The following ANK2 variants were observed in gnomAD, a reference collection of about 807,000 sequenced individuals.
The protein encoded by ANK2 is ankyrin 2.
A neutral mutation model predicts 360.5 loss-of-function variants in ANK2; 83 were observed. The observed-to-expected ratio is 0.23, with a 90% CI of 0.19 to 0.28. The LOEUF is 0.28. ANK2 is among the 10% of genes least tolerant of loss of function. The pLI is 1.00. For missense variants in ANK2, 4,201 were observed against 4,795.7 expected (o/e 0.88, Z 3.66); for synonymous variants, 1,740 against 1,759.5 (o/e 0.99, Z 0.28).
At chr4:112,861,525 TA>T (rs932732456) in intron 1 of ANK2, among the ~76,000 whole-genome samples, 3 of 152,148 alleles carry the variant, frequency 2.0e-5, no homozygotes, top group African/African-American at 7.2e-5. Context: ...GACTTTGGAG[TA>T]AATAACATGT....
chr4:113,098,894 G>T (rs564204718), intron 1 of ANK2, among the ~76,000 whole-genome samples: 4 of 151,730 alleles, frequency 2.6e-5, no homozygotes, highest in African/African-American at 4.8e-5. Context: ...GCCTAAAGAA[G>T]AAAAATCGTA....
chr4:112,959,951 A>C (rs568683412), intron 2 of ANK2, among the ~76,000 whole-genome samples: 1 of 152,198 alleles, frequency 6.6e-6, no homozygotes, highest in Non-Finnish European at 1.5e-5. Context: ...GCCTAATTGA[A>C]TGTTAAGCAG....
At chr4:113,325,479 A>G (rs1398754382) in intron 26 of ANK2, among the ~76,000 whole-genome samples, 1 of 152,202 alleles carries the variant, frequency 6.6e-6, no homozygotes, top group East Asian at 1.9e-4. Context: ...GACTTACCTG[A>G]GGTTACAACA....
intron 2 of ANK2, among the ~76,000 whole-genome samples, chr4:112,984,212 A>G (rs551621588): frequency 1.2e-4 from 18 of 152,316 alleles, no homozygotes; most frequent in Admixed American, 4.6e-4. Flanking sequence ...TTCTTATTGT[A>G]TGGGGAGAGG....
In ANK2 at chr4:113,343,079, T is replaced by C. The variant is rs2094467835; in HGVS notation, c.4185T>C (p.Ser1395=). 6.2e-7 allele frequency: 1 copy of C among 1,613,862 alleles called. No individual in the cohort carries two copies. Among genetic ancestry groups the C allele is most frequent in the African/African-American group, 1.3e-5 (1 of 75,040 alleles). The change falls in exon 34 of 46, where the codon AGT becomes AGC. Residue 1395 remains serine (S), a synonymous_variant. Transcript: ENST00000357077. The part of the protein sequence containing the change: ...CFGNLVPLTK[S]GQHHIFSFFA... Reference sequence around the variant, plus strand: ...GCAACTTGGTACCATTAACTAAAAGTGGCCAGCATCATATATTCAGTTTTT... The same window carrying C: ...GCAACTTGGTACCATTAACTAAAAGCGGCCAGCATCATATATTCAGTTTTT...
the ANK2 span, among the ~76,000 whole-genome samples, chr4:112,802,774 A>G: frequency 6.6e-6 from 1 of 152,190 alleles, no homozygotes; most frequent in African/African-American, 2.4e-5. Flanking sequence ...TAAAACAAAA[A>G]CAAAAACAAA....
Position 113,250,759 on chromosome 4 carries a change from C to CCG in ANK2, c.990+898_990+899insGC, listed in dbSNP as rs1491245836. The stretch of plus-strand genomic sequence containing the variant: ...TCCATTCCACCTCATACCACCGCCC[C>CCG]CCCCCCCGACAGAGTTGGTATCAAC... On this transcript the variant is annotated intron_variant, in intron 10 of 45. Coordinates refer to ENST00000357077, the MANE Select transcript of ANK2 (RefSeq NM_001148.6). 2.2e-4 allele frequency among the ~76,000 whole-genome samples: 29 copies of CCG among 134,712 alleles called. 8 individuals are homozygous for CCG. Among genetic ancestry groups the CCG allele is most frequent in the South Asian group, 1.5e-3 (5 of 3,358 alleles). The allele number at this position is 134,712 out of a possible 152,430, so 88.4% of individuals were successfully genotyped here.
chr4:113,237,101 G>T lies in ANK2; in HGVS notation c.598G>T (p.Ala200Ser), dbSNP rs763603177. ...KVRLPALHIA[A>S]RKDDTKSAAL... ...GAGGCTGCCAGCTCTGCATATTGCC[G>T]CTAGGAAAGACGACACCAAATCTGC... Residue 200 changes from alanine to serine, a missense_variant, in exon 6 of 46, where the codon GCT (alanine) becomes TCT (serine). Physicochemically the swap from Ala to Ser is moderately conservative, Grantham distance 99. Transcript: ENST00000357077. 3.7e-6 allele frequency: 6 copies of T among 1,614,122 alleles called. No individual in the cohort carries two copies. Among genetic ancestry groups the T allele is most frequent in the Non-Finnish European group, 3.4e-6 (4 of 1,180,012 alleles).
At chr4:113,368,706 G>A (rs2154063762) in intron 42 of ANK2, among the ~76,000 whole-genome samples, 1 of 152,290 alleles carries the variant, frequency 6.6e-6, no homozygotes, top group African/African-American at 2.4e-5. Flanking sequence ...TGTGGTCATT[G>A]ACATGAGAAG....
intron 2 of ANK2, among the ~76,000 whole-genome samples, chr4:112,957,209 G>T (rs1047576902): frequency 2.0e-5 from 3 of 151,210 alleles, no homozygotes; most frequent in African/African-American, 7.3e-5. Context: ...AGGGAGTGGT[G>T]ATGACTCTTA....
the ANK2 span, among the ~76,000 whole-genome samples, chr4:112,715,209 T>C: frequency 0.13 from 18,282 of 140,524 alleles, 1,305 homozygotes; most frequent in East Asian, 0.23. Flanking sequence ...AGCGCGGTGA[T>C]TGGGTTCCAA....
intron 1 of ANK2, among the ~76,000 whole-genome samples, chr4:113,112,427 G>A (rs2094391070): frequency 6.6e-6 from 1 of 152,174 alleles, no homozygotes; most frequent in Admixed American, 6.5e-5. Context: ...GATGCAGGGG[G>A]AGACAGAATG....
intron 2 of ANK2, among the ~76,000 whole-genome samples, chr4:113,022,279 T>C (rs867067727): frequency 2.6e-5 from 4 of 152,230 alleles, no homozygotes; most frequent in Non-Finnish European, 5.9e-5. Flanking sequence ...GATTGGAAAC[T>C]AAGAGGAAAA....
chr4:113,149,932 C>A (rs947492914), intron 1 of ANK2, among the ~76,000 whole-genome samples: 6 of 137,190 alleles, frequency 4.4e-5, no homozygotes, highest in African/African-American at 1.6e-4. Context: ...ACATGACTTT[C>A]ATTCTCTAGG....
chr4:112,791,464 C>A, the ANK2 span, among the ~76,000 whole-genome samples: 1 of 53,728 alleles, frequency 1.9e-5, no homozygotes, highest in African/African-American at 1.3e-4. Context: ...AAGCCTCTTA[C>A]TTCTTCTTCT....
chr4:113,277,876 A>G lies in ANK2; in HGVS notation c.1723A>G (p.Ser575Gly). The G allele has an allele frequency of 1.2e-6, 2 of 1,614,094 alleles. No individual in the cohort carries two copies. Among genetic ancestry groups the G allele is most frequent in the Non-Finnish European group, 1.7e-6 (2 of 1,179,956 alleles). Residue 575 changes from serine (S) to glycine (G), a missense_variant, in exon 16 of 46, where the codon AGC (serine) becomes GGC (glycine). Physicochemically the swap from Ser to Gly is moderately conservative, Grantham distance 56. Transcript: ENST00000357077. The part of the protein sequence containing the change: ...TPLHVAAKYG[S>G]LDVAKLLLQR... ...CCTGCATGTAGCAGCCAAGTATGGA[A>G]GCCTGGATGTGGCAAAACTTCTCTT...
At chr4:112,816,494 AT>A (rs1269717446), upstream of ANK2, among the ~76,000 whole-genome samples, 5 of 152,042 alleles carry the variant, frequency 3.3e-5, no homozygotes, top group African/African-American at 1.2e-4. Flanking sequence ...AGATTGAATT[AT>A]TTCCATAAAA....
intron 38 of ANK2, among the ~76,000 whole-genome samples, chr4:113,360,502 G>A (rs1312940728): frequency 6.6e-6 from 1 of 152,068 alleles, no homozygotes; most frequent in African/African-American, 2.4e-5. Flanking sequence ...TCATGAACAA[G>A]ATGGTGGTCT....
chr4:113,297,312 A>G (rs1261488534), intron 22 of ANK2, among the ~76,000 whole-genome samples: 2 of 152,222 alleles, frequency 1.3e-5, no homozygotes, highest in Admixed American at 1.3e-4. Flanking sequence ...TTTCTTAAAA[A>G]GACATACTTA....
Sources: allele counts gnomAD v4.1 joint callset (sites outside exome capture counted in the v4.1 genomes callset), GRCh38; gene constraint gnomAD v4.1.1; transcripts MANE v1.5; gene names NCBI Gene and HGNC (gene_info 2026-07-23, HGNC 2026-07-21).